HHIPL1: variants seen among roughly 807,000 people sequenced by gnomAD.
HHIPL1 encodes the protein HHIP like 1, also known as HHIP-like protein 1.
Under a neutral mutation model 61.8 loss-of-function variants are expected in HHIPL1, and 43 were observed. That is an observed-to-expected ratio of 0.70 (90% confidence interval 0.55 to 0.90). The LOEUF (loss-of-function observed/expected upper bound fraction) is 0.90. Among genes scored for constraint, HHIPL1 ranks in the 40% least tolerant of loss-of-function variants. HHIPL1 has a pLI of 0.00. For missense variants in HHIPL1, 1,056 were observed against 1,157.7 expected, an observed-to-expected ratio of 0.91 and a Z score of 1.28; for synonymous variants, 482 against 515.8, an observed-to-expected ratio of 0.93 and a Z score of 0.89.
In HHIPL1 at chr14:99,656,993, C is replaced by T; in HGVS notation, c.903-7C>T. 1 of 1,597,514 alleles carries T rather than the reference C, an allele frequency of 6.3e-7. No homozygotes were observed. Among genetic ancestry groups the T allele is most frequent in the East Asian group, 2.3e-5 (1 of 43,974 alleles). ...GCTGAGTTTTAGGGGCCCTTATCTT[C>T]CTTTAGGATAATCCTGGAGGTCAAA... On this transcript the variant is annotated splice_polypyrimidine_tract_variant and splice_region_variant and intron_variant, in intron 2 of 8. Coordinates refer to ENST00000330710, the MANE Select transcript of HHIPL1 (RefSeq NM_001127258.3).
At position 99,675,136 on chromosome 14, in the gene HHIPL1, C is replaced by T. The variant is rs1198049672; in HGVS notation, c.1859C>T (p.Ala620Val). ...AGCACCCCGCGGCCTACAGCGCGGG[C>T]GCCCACGCGGGCGCCCCGCCGAGGG... Reference protein sequence around the residue: ...TRSTPRPTARAPTRAPRRGRP... With the variant: ...TRSTPRPTARVPTRAPRRGRP... Residue 620 changes from alanine (A) to valine (V), a missense_variant, in exon 9 of 9, where the codon GCG (alanine) becomes GTG (valine). By Grantham distance (64) the Ala-to-Val change is moderately conservative. Coordinates refer to ENST00000330710, the MANE Select transcript of HHIPL1 (RefSeq NM_001127258.3). The surrounding 1 kb of genome is among the most constrained non-coding windows in gnomAD (Gnocchi z 5.4). 2.7e-6 allele frequency: 3 copies of T among 1,122,790 alleles called. No individual in the cohort carries two copies. Among genetic ancestry groups the T allele is most frequent in the Non-Finnish European group, 3.3e-6 (3 of 909,684 alleles). 69.6% of individuals were successfully genotyped at this position (1,122,790 alleles called of 1,614,324 possible).
At chr14:99,619,108 C>T in the HHIPL1 span, among the ~76,000 whole-genome samples, 1 of 152,120 alleles carries the variant, frequency 6.6e-6, no homozygotes, top group Non-Finnish European at 1.5e-5. Context: ...CCTCCCGACA[C>T]CCCGTGTACT....
the HHIPL1 span, among the ~76,000 whole-genome samples, chr14:99,610,121 T>A: frequency 1.1e-4 from 17 of 152,310 alleles, no homozygotes; most frequent in South Asian, 3.3e-3. Context: ...GCCTGCCCCT[T>A]TAGCTGCTGA....
At chr14:99,662,786 CATGGATGG>C (rs370684067) in intron 5 of HHIPL1, 82 bp from the exon 6 acceptor site, 15 of 1,213,102 alleles carry the variant, frequency 1.2e-5, no homozygotes, top group Non-Finnish European at 1.6e-5. Flanking sequence ...GGAATGGATA[CATGGATGG>C]ATGGATGGAT....
chr14:99,660,134 CCCT>C lies in HHIPL1; in HGVS notation c.1376-145_1376-143del. ...GCAGACACGCTTTCCACCACGCCAGCCCTGCTGTGGGCACGCCAGCCCTGCTGT... is the reference window on the plus strand; with the variant it reads ...GCAGACACGCTTTCCACCACGCCAGCGCTGTGGGCACGCCAGCCCTGCTGT... On this transcript the variant is annotated intron_variant, in intron 4 of 8. Transcript: ENST00000330710. This position sits in a 1 kb window ranked among gnomAD's most constrained non-coding sequence, Gnocchi z 4.9. 2 of 706,622 alleles carry C rather than the reference CCCT, an allele frequency of 2.8e-6. No individual in the cohort carries two copies. Among genetic ancestry groups the C allele is most frequent in the Non-Finnish European group, 4.1e-6 (2 of 491,362 alleles). 43.8% of individuals were successfully genotyped at this position (706,622 alleles called of 1,614,324 possible).
At position 99,645,253 on chromosome 14, in the gene HHIPL1, G is replaced by C. The variant is rs978591672; in HGVS notation, c.46G>C (p.Gly16Arg). The C allele has an allele frequency of 3.6e-6, 5 of 1,381,958 alleles. No homozygotes were observed. The highest frequency in any genetic ancestry group is 1.6e-5 in the South Asian group (1 of 60,758). The allele number at this position is 1,381,958 out of a possible 1,614,324, so 85.6% of individuals were successfully genotyped here. A position where few individuals can be genotyped will look rare whatever the true frequency, so the allele number is the denominator to read the frequency against. ...AGALLALWVL[G>R]AAAHPQCLDF... is the part of the protein sequence containing the mutation. ...GGCGCTGCTGGCGCTTTGGGTGCTCGGGGCCGCCGCGCATCCGCAGTGCCT... is the reference window on the plus strand; with the variant it reads ...GGCGCTGCTGGCGCTTTGGGTGCTCCGGGCCGCCGCGCATCCGCAGTGCCT... The change falls in exon 1 of 9, where the codon GGG (glycine) becomes CGG (arginine). Residue 16 changes from glycine to arginine, a missense_variant. Transcript: ENST00000330710.
At position 99,659,343 on chromosome 14, in the gene HHIPL1, C is replaced by G; in HGVS notation, c.1047-85C>G. 3 of 1,127,044 alleles carry G rather than the reference C, an allele frequency of 2.7e-6. No individual in the cohort carries two copies. The South Asian group carries it at 5.7e-5, about 21-fold the overall frequency. The allele number at this position is 1,127,044 out of a possible 1,614,324, so 69.8% of individuals were successfully genotyped here. On this transcript the variant is annotated intron_variant, in intron 3 of 8. Coordinates refer to ENST00000330710, the MANE Select transcript of HHIPL1 (RefSeq NM_001127258.3). ...CCCTGCACCTGGCTCAGCGGTCAGC[C>G]GGCGCCCCAGCACCTGCCCCGCGGA...
chr14:99,653,374 C>T (rs996562118), intron 2 of HHIPL1, among the ~76,000 whole-genome samples: 40 of 149,584 alleles, frequency 2.7e-4, no homozygotes, highest in Admixed American at 2.7e-4. Context: ...ACTCTGTTGC[C>T]GAGGCTGGAG....
At chr14:99,656,141 G>A (rs2056023619) in intron 2 of HHIPL1, among the ~76,000 whole-genome samples, 1 of 152,220 alleles carries the variant, frequency 6.6e-6, no homozygotes, top group African/African-American at 2.4e-5. Context: ...AAATGAGAGA[G>A]TACATAAGAT....
Position 99,660,279 on chromosome 14 carries a change from G to C in HHIPL1, c.1376-1G>C, listed in dbSNP as rs1450053474. ...AAGCTTCTCTCCCTCCCACCCCGCA[G>C]ATGACTTGCTGCCGATTTTCGCCTA... On this transcript the variant is annotated splice_acceptor_variant, in intron 4 of 8. Coordinates refer to ENST00000330710, the MANE Select transcript of HHIPL1 (RefSeq NM_001127258.3). LOFTEE classifies it high-confidence loss of function. The surrounding 1 kb of genome is among the most constrained non-coding windows in gnomAD (Gnocchi z 4.9). 3 of 1,613,798 alleles carry C rather than the reference G, an allele frequency of 1.9e-6. No individual in the cohort carries two copies. The African/African-American group carries it at 4.0e-5, about 22-fold the overall frequency.
At position 99,659,773 on chromosome 14, in the gene HHIPL1, CG is replaced by C; in HGVS notation, c.1375+21del. 2 of 1,329,552 alleles carry C rather than the reference CG, an allele frequency of 1.5e-6. No individual in the cohort carries two copies. Among genetic ancestry groups the C allele is most frequent in the Non-Finnish European group, 9.6e-7 (1 of 1,039,000 alleles). The allele number at this position is 1,329,552 out of a possible 1,614,324, so 82.4% of individuals were successfully genotyped here. A position where few individuals can be genotyped will look rare whatever the true frequency, so the allele number is the denominator to read the frequency against. Reference sequence around the variant, plus strand: ...CCTCTCTCAGTGAGTGCCCGCGCCCCGGGGACCCCGGCCCCGAATCCGCCCC... The same window carrying C: ...CCTCTCTCAGTGAGTGCCCGCGCCCCGGGACCCCGGCCCCGAATCCGCCCC... On this transcript the variant is annotated intron_variant, in intron 4 of 8. Coordinates refer to ENST00000330710, the MANE Select transcript of HHIPL1 (RefSeq NM_001127258.3).
At chr14:99,669,131 A>T in intron 7 of HHIPL1, 1 of 1,389,168 alleles carries the variant, frequency 7.2e-7, no homozygotes, top group Non-Finnish European at 9.3e-7. Context: ...TCCCTGGGCT[A>T]CACGACTGAC....
At chr14:99,629,119 C>CGTGCCAGGCACTGCGCTGG in the HHIPL1 span, among the ~76,000 whole-genome samples, 4 of 152,184 alleles carry the variant, frequency 2.6e-5, no homozygotes, top group African/African-American at 9.7e-5. Flanking sequence ...ACCCAGATCA[C>CGTGCCAGGCACTGCGCTGG]GTGCCAGGCA....
chr14:99,668,300 C>T lies in HHIPL1; in HGVS notation c.1727C>T (p.Ser576Phe), dbSNP rs2056280045. 1 of 1,597,208 alleles carries T rather than the reference C, an allele frequency of 6.3e-7. No individual in the cohort carries two copies. Among genetic ancestry groups the T allele is most frequent in the South Asian group, 1.1e-5 (1 of 90,738 alleles). The change falls in exon 7 of 9, where the codon TCC becomes TTC. Residue 576 changes from serine (S) to phenylalanine (F), a missense_variant. Coordinates refer to ENST00000330710, the MANE Select transcript of HHIPL1 (RefSeq NM_001127258.3). The surrounding 1 kb of genome is among the most constrained non-coding windows in gnomAD (Gnocchi z 4.7). The stretch of plus-strand genomic sequence containing the variant: ...GTTGTCTACAAAATAATTGACGCAT[C>T]CAGGTGAGTCCCAGCCTCCAGGACA... ...RGVVYKIIDASRRAPPGKCQI... is the reference protein window; with the variant it reads ...RGVVYKIIDAFRRAPPGKCQI...
rs779652945 is a variant in HHIPL1, at chr14:99,657,093, TGGC to T, written c.999_1001del (p.Gly334del). 8 of 1,613,464 alleles carry T rather than the reference TGGC, an allele frequency of 5.0e-6. No individual in the cohort carries two copies. The highest frequency in any genetic ancestry group is 2.2e-5 in the South Asian group (2 of 90,948). ...GGTACCTCTACATCTTCACTGGAGA[TGGC>T]GGGATGGCCGGAGACCCCTTTGGGA... On this transcript the variant is annotated inframe_deletion, in exon 3 of 9. Transcript: ENST00000330710.
In HHIPL1 at chr14:99,675,617, C is replaced by T; in HGVS notation, c.2340C>T (p.Pro780=). ...GCGTCGTGTGCAGCCACCAGAACCC[C>T]GACCTGTAGGCAACACGCCGCTGCC... The part of the protein sequence containing the change: ...DAGVVCSHQN[P]DL Residue 780 remains proline (P), a synonymous_variant, in exon 9 of 9, where the codon CCC becomes CCT. Coordinates refer to ENST00000330710, the MANE Select transcript of HHIPL1 (RefSeq NM_001127258.3). This position sits in a 1 kb window ranked among gnomAD's most constrained non-coding sequence, Gnocchi z 5.4. 1 of 1,518,794 alleles carries T rather than the reference C, an allele frequency of 6.6e-7. No individual in the cohort carries two copies. Among genetic ancestry groups the T allele is most frequent in the Non-Finnish European group, 8.8e-7 (1 of 1,134,300 alleles). The allele number at this position is 1,518,794 out of a possible 1,614,324, so 94.1% of individuals were successfully genotyped here. A position where few individuals can be genotyped will look rare whatever the true frequency, so the allele number is the denominator to read the frequency against.
chr14:99,655,254 G>C (rs769068828), intron 2 of HHIPL1, among the ~76,000 whole-genome samples: 1 of 152,182 alleles, frequency 6.6e-6, no homozygotes, highest in South Asian at 2.1e-4. Flanking sequence ...TCCAGTCTTG[G>C]CTCTGAAAAA....
chr14:99,637,047 GAAGGAAGGAAGGAAAA>G, the HHIPL1 span, among the ~76,000 whole-genome samples: 35 of 75,296 alleles, frequency 4.6e-4, no homozygotes, highest in African/African-American at 1.5e-3. Context: ...AAGAAAGAAA[GAAGGAAGGAAGGAAAA>G]AAGAAAGAAA....
the HHIPL1 span, among the ~76,000 whole-genome samples, chr14:99,607,955 G>C: frequency 6.6e-6 from 1 of 152,160 alleles, no homozygotes; most frequent in Non-Finnish European, 1.5e-5. Flanking sequence ...ATTGTGGTAA[G>C]TACTGCAAAT....
Sources: gnomAD v4.1 joint callset for allele counts (sites outside exome capture counted in the v4.1 genomes callset) on GRCh38, gnomAD v4.1.1 for gene constraint, Gnocchi (gnomAD v3.1) non-coding constraint, MANE v1.5 for transcripts, NCBI Gene and HGNC (gene_info 2026-07-23, HGNC 2026-07-21) for gene names.